The following SPOCK3 variants were observed in gnomAD, a reference collection of about 807,000 sequenced individuals.
The protein encoded by SPOCK3 is testican-3.
Under a neutral mutation model 56.6 loss-of-function variants are expected in SPOCK3, and 30 were observed. That is an observed-to-expected ratio of 0.53 (90% CI 0.40 to 0.72). The LOEUF (loss-of-function observed/expected upper bound fraction) is 0.72. Among genes scored for constraint, SPOCK3 ranks in the 30% least tolerant of loss-of-function variants. SPOCK3 has a pLI of 0.00. For missense variants in SPOCK3, 527 were observed against 530.0 expected (o/e 0.99, Z 0.06); for synonymous variants, 196 against 183.3 (o/e 1.07, Z -0.56).
chr4:166,886,890 A>G (rs932048136), intron 6 of SPOCK3, among the ~76,000 whole-genome samples: 3 of 152,174 alleles, frequency 2.0e-5, no homozygotes, highest in African/African-American at 7.2e-5. Flanking sequence ...GGCACTGTGT[A>G]GAAATGACAC....
intron 3 of SPOCK3, among the ~76,000 whole-genome samples, chr4:167,011,568 A>C (rs1036272063): frequency 4.6e-5 from 7 of 152,140 alleles, no homozygotes; most frequent in African/African-American, 1.7e-4. Flanking sequence ...GACAACAAAA[A>C]GTTTCCCCAG....
At chr4:166,763,624 T>C (rs1279284344) in intron 7 of SPOCK3, among the ~76,000 whole-genome samples, 1 of 152,072 alleles carries the variant, frequency 6.6e-6, no homozygotes, top group Non-Finnish European at 1.5e-5. Context: ...GAATTAAATG[T>C]ATGAAACTAA....
chr4:166,964,681 A>C (rs1744502112), intron 4 of SPOCK3, among the ~76,000 whole-genome samples: 2 of 151,706 alleles, frequency 1.3e-5, no homozygotes, highest in Non-Finnish European at 3.0e-5. Context: ...ACGCAAATCT[A>C]CTAGGCTTGC....
intron 6 of SPOCK3, among the ~76,000 whole-genome samples, chr4:166,833,821 CTG>C (rs892075215): frequency 2.6e-5 from 4 of 152,128 alleles, no homozygotes; most frequent in African/African-American, 9.7e-5. Flanking sequence ...TAGCCAAACT[CTG>C]TCTTCTATCT....
chr4:166,871,374 G>A (rs750684114), intron 6 of SPOCK3, among the ~76,000 whole-genome samples: 41 of 152,042 alleles, frequency 2.7e-4, no homozygotes, highest in Non-Finnish European at 4.7e-4. Flanking sequence ...CCAAAGGGTC[G>A]TCACTACTGC....
chr4:167,107,131 A>G (rs1447849142), intron 2 of SPOCK3, among the ~76,000 whole-genome samples: 1 of 151,972 alleles, frequency 6.6e-6, no homozygotes, highest in Admixed American at 6.6e-5. Context: ...AGGGAAAAGG[A>G]ATACTTCCAA....
At chr4:167,013,367 C>T (rs1400565093) in intron 3 of SPOCK3, among the ~76,000 whole-genome samples, 3 of 151,722 alleles carry the variant, frequency 2.0e-5, no homozygotes, top group African/African-American at 7.2e-5. Flanking sequence ...CTTTGGTTTG[C>T]TACCATTTGT....
chr4:166,820,573 T>C (rs1431322096), intron 6 of SPOCK3, among the ~76,000 whole-genome samples: 1 of 151,866 alleles, frequency 6.6e-6, no homozygotes, highest in Non-Finnish European at 1.5e-5. Context: ...AGTTAAAACC[T>C]AGCACTTTGG....
At chr4:167,115,754 C>T (rs1761276691) in intron 2 of SPOCK3, among the ~76,000 whole-genome samples, 1 of 151,934 alleles carries the variant, frequency 6.6e-6, no homozygotes, top group African/African-American at 2.4e-5. Flanking sequence ...TAACTATTCT[C>T]AACTCAAATT....
At chr4:166,750,931 C>T (rs777954374) in intron 8 of SPOCK3, among the ~76,000 whole-genome samples, 7 of 152,088 alleles carry the variant, frequency 4.6e-5, no homozygotes, top group Admixed American at 3.9e-4. Flanking sequence ...GAATGAATCT[C>T]TAAGTTGGCA....
chr4:167,143,992 TA>T, intron 2 of SPOCK3, among the ~76,000 whole-genome samples: 1 of 151,996 alleles, frequency 6.6e-6, no homozygotes, highest in East Asian at 1.9e-4. Flanking sequence ...ACATAACTAA[TA>T]CTACACAGCA....
intron 6 of SPOCK3, among the ~76,000 whole-genome samples, chr4:166,809,093 C>T (rs10032215): frequency 0.074 from 11,235 of 152,070 alleles, 980 homozygotes; most frequent in African/African-American, 0.2. Context: ...GGTTTGTAGA[C>T]TCTGTCATAC....
intron 2 of SPOCK3, among the ~76,000 whole-genome samples, chr4:167,121,485 A>C (rs1761861032): frequency 6.6e-6 from 1 of 152,074 alleles, no homozygotes; most frequent in African/African-American, 2.4e-5. Context: ...AAAAAAAAAA[A>C]AGTGAATGTG....
At chr4:166,973,129 G>T (rs947422843) in intron 4 of SPOCK3, among the ~76,000 whole-genome samples, 1 of 152,070 alleles carries the variant, frequency 6.6e-6, no homozygotes, top group African/African-American at 2.4e-5. Flanking sequence ...GATAGTGAGT[G>T]AGTTCTCATG....
chr4:167,156,251 G>A (rs1266188154), intron 2 of SPOCK3, among the ~76,000 whole-genome samples: 3 of 152,140 alleles, frequency 2.0e-5, no homozygotes, highest in African/African-American at 7.2e-5. Context: ...CTATGGGCCA[G>A]TGCAGATATA....
intron 2 of SPOCK3, among the ~76,000 whole-genome samples, chr4:167,105,884 CAAA>C (rs1349240238): frequency 2.0e-5 from 3 of 151,682 alleles, no homozygotes; most frequent in African/African-American, 7.3e-5. Context: ...CTATAAGAAA[CAAA>C]GAAGTACATC....
intron 2 of SPOCK3, among the ~76,000 whole-genome samples, chr4:167,160,778 C>T (rs1368626576): frequency 6.6e-6 from 1 of 152,054 alleles, no homozygotes; most frequent in African/African-American, 2.4e-5. Flanking sequence ...CTGACAAAAA[C>T]AAGAAATGGG....
chr4:167,178,768 A>T lies in SPOCK3; in HGVS notation c.189+55217T>A, dbSNP rs189889675. Among the ~76,000 whole-genome samples, 1,376 of 152,252 alleles carry T rather than the reference A, an allele frequency of 9.0e-3. 19 individuals carry two copies. Among genetic ancestry groups the T allele is most frequent in the African/African-American group, 0.027 (1,115 of 41,552 alleles). On this transcript the variant is annotated intron_variant, in intron 2 of 10. Coordinates refer to ENST00000357545, the MANE Select transcript of SPOCK3 (RefSeq NM_001040159.2). ...GAATTCGTACAATTTAAGAAAGGGG[A>T]TAAAAACCATGATTTCATAAAAATA...
chr4:167,108,481 G>T (rs1760377704), intron 2 of SPOCK3, among the ~76,000 whole-genome samples: 1 of 151,860 alleles, frequency 6.6e-6, no homozygotes, highest in East Asian at 1.9e-4. Context: ...GCCATAAAAA[G>T]GATGAGATTC....
Sources: gnomAD v4.1 joint callset for allele counts (sites outside exome capture counted in the v4.1 genomes callset) on GRCh38, gnomAD v4.1.1 for gene constraint, MANE v1.5 for transcripts, NCBI Gene and HGNC (gene_info 2026-07-23, HGNC 2026-07-21) for gene names.